FRMD6: variants seen among roughly 807,000 people sequenced by gnomAD.
FRMD6 encodes the protein FERM domain containing 6, also known as FERM domain-containing protein 6.
A neutral mutation model predicts 73.2 loss-of-function variants in FRMD6; 37 were observed. The ratio of observed to expected loss-of-function variants is 0.51; its 90% CI spans 0.39 to 0.66. FRMD6 has a LOEUF of 0.66. Ranked by LOEUF, FRMD6 falls within the 30% of genes least tolerant of loss-of-function variation. The pLI, the probability that FRMD6 is intolerant of heterozygous loss-of-function variation, is 0.00. For synonymous variants in FRMD6, 273 were observed against 282.2 expected, an observed-to-expected ratio of 0.97 and a Z score of 0.33; for missense variants, 714 against 780.5, an observed-to-expected ratio of 0.91 and a Z score of 1.02.
chr14:51,437,603 C>A, the FRMD6 span, among the ~76,000 whole-genome samples: 1 of 152,168 alleles, frequency 6.6e-6, no homozygotes, highest in African/African-American at 2.4e-5. Flanking sequence ...CTCCCGGCCC[C>A]AACTTTCTTT....
chr14:51,448,794 C>T, the FRMD6 span, among the ~76,000 whole-genome samples: 1 of 152,148 alleles, frequency 6.6e-6, no homozygotes, highest in Admixed American at 6.5e-5. Flanking sequence ...TGCAATAAAA[C>T]TTGGGGCAGG....
chr14:51,504,323 G>A (rs56386319), intron 1 of FRMD6, among the ~76,000 whole-genome samples: 2,705 of 152,302 alleles, frequency 0.018, 80 homozygotes, highest in African/African-American at 0.062. Flanking sequence ...GTACTGGGGC[G>A]TACTGACCTG....
chr14:51,502,000 C>T (rs1256579399), intron 1 of FRMD6, among the ~76,000 whole-genome samples: 6 of 152,148 alleles, frequency 3.9e-5, no homozygotes, highest in African/African-American at 7.2e-5. Flanking sequence ...TATTCATATA[C>T]TTGTTGGCCA....
At chr14:51,538,486 G>T (rs1309826910) in intron 1 of FRMD6, among the ~76,000 whole-genome samples, 1 of 151,996 alleles carries the variant, frequency 6.6e-6, no homozygotes, top group African/African-American at 2.4e-5. Context: ...TCCAAGAACA[G>T]GAAGATTTAC....
chr14:51,566,884 C>T (rs1004880273), intron 1 of FRMD6, among the ~76,000 whole-genome samples: 16 of 152,184 alleles, frequency 1.1e-4, no homozygotes, highest in African/African-American at 3.9e-4. Flanking sequence ...GGCAGGATCG[C>T]TTGTTTTCAC....
the FRMD6 span, among the ~76,000 whole-genome samples, chr14:51,444,388 A>C: frequency 1.3e-5 from 2 of 152,190 alleles, no homozygotes; most frequent in East Asian, 3.8e-4. Flanking sequence ...GAGAACTGGC[A>C]TGTGGTTGCG....
chr14:51,704,645 A>G, intron 5 of FRMD6, 104 bp from the exon 6 acceptor site: 1 of 905,942 alleles, frequency 1.1e-6, no homozygotes, highest in Non-Finnish European at 1.7e-6. Flanking sequence ...GAGCAGAAAC[A>G]GAAGGGTTCC....
At chr14:51,663,155 A>C (rs1893344450) in intron 1 of FRMD6, among the ~76,000 whole-genome samples, 1 of 152,252 alleles carries the variant, frequency 6.6e-6, no homozygotes, top group Non-Finnish European at 1.5e-5. Context: ...GAATGCTTAT[A>C]CACTGTTTGT....
At position 51,538,971 on chromosome 14, in the gene FRMD6, G is replaced by T. The variant is rs867048899; in HGVS notation, c.-209-31377G>T. Among the ~76,000 whole-genome samples the T allele has an allele frequency of 1.6e-4, 24 of 152,078 alleles. No homozygotes were observed. The South Asian group carries it at 2.5e-3, about 16-fold the overall frequency. ...TTGGGGAGTTTTGCGTTCTTGGATG[G>T]TTCATTGCTAGCATCTAGAAATACA... is the stretch of plus-strand genomic sequence containing the variant. On this transcript the variant is annotated intron_variant, in intron 1 of 14. Transcript: ENST00000356218.
At chr14:51,709,184 C>T (rs574063121) in intron 7 of FRMD6, among the ~76,000 whole-genome samples, 3 of 152,264 alleles carry the variant, frequency 2.0e-5, no homozygotes, top group African/African-American at 7.2e-5. Flanking sequence ...TAAGTTGAGC[C>T]TAACTGCCTA....
intron 1 of FRMD6, among the ~76,000 whole-genome samples, chr14:51,550,592 T>C (rs1886767072): frequency 1.8e-5 from 2 of 109,722 alleles, no homozygotes; most frequent in African/African-American, 6.7e-5. Flanking sequence ...CCCCCCGCCA[T>C]GCTTATAGCT....
the FRMD6 span, among the ~76,000 whole-genome samples, chr14:51,441,327 C>T: frequency 2.6e-5 from 4 of 152,156 alleles, no homozygotes; most frequent in East Asian, 3.9e-4. Flanking sequence ...CTGGGCCACC[C>T]CTTTTGGAGA....
chr14:51,488,566 A>G (rs1882831629), upstream of FRMD6, among the ~76,000 whole-genome samples: 1 of 152,222 alleles, frequency 6.6e-6, no homozygotes, highest in Non-Finnish European at 1.5e-5. Context: ...TGAATCAAAC[A>G]TGGAGCTTCT....
chr14:51,683,050 T>C (rs4243578), intron 1 of FRMD6, among the ~76,000 whole-genome samples: 60,747 of 151,970 alleles, frequency 0.4, 12,348 homozygotes, highest in African/African-American at 0.47. Context: ...ATACGCACTG[T>C]CTTTCAGTAC....
chr14:51,656,452 C>T (rs1333830925), intron 1 of FRMD6, among the ~76,000 whole-genome samples: 5 of 150,092 alleles, frequency 3.3e-5, no homozygotes, highest in East Asian at 1.9e-4. Flanking sequence ...CTCGCCCTGT[C>T]GCCCAGGCTG....
chr14:51,655,926 A>G (rs1435700105), intron 1 of FRMD6, among the ~76,000 whole-genome samples: 2 of 152,224 alleles, frequency 1.3e-5, no homozygotes, highest in African/African-American at 2.4e-5. Context: ...GCCACTTCCC[A>G]TTTCAAAGAC....
chr14:51,591,362 G>A (rs1467659098), intron 2 of FRMD6, among the ~76,000 whole-genome samples: 1 of 152,174 alleles, frequency 6.6e-6, no homozygotes, highest in Non-Finnish European at 1.5e-5. Flanking sequence ...AAAGGACAAA[G>A]TGGTGGAAGC....
intron 10 of FRMD6, among the ~76,000 whole-genome samples, chr14:51,719,073 G>A (rs1167587659): frequency 1.3e-5 from 2 of 152,044 alleles, no homozygotes; most frequent in African/African-American, 4.8e-5. Flanking sequence ...TTGTTTTATT[G>A]TATTATTTCT....
chr14:51,533,315 A>G (rs10484090), intron 1 of FRMD6, among the ~76,000 whole-genome samples: 4,612 of 152,292 alleles, frequency 0.03, 103 homozygotes, highest in African/African-American at 0.058. Context: ...AGATGTTTAC[A>G]AGGATTTATT....
Sources: allele counts gnomAD v4.1 joint callset (sites outside exome capture counted in the v4.1 genomes callset), GRCh38; gene constraint gnomAD v4.1.1; transcripts MANE v1.5; gene names NCBI Gene and HGNC (gene_info 2026-07-23, HGNC 2026-07-21).